GATA4: variants seen among roughly 807,000 people sequenced by gnomAD.
GATA4 encodes transcription factor GATA-4.
Under a neutral mutation model 37.9 loss-of-function variants are expected in GATA4, and 7 were observed. The ratio of observed to expected loss-of-function variants is 0.18; its 90% CI spans 0.11 to 0.35. The LOEUF (loss-of-function observed/expected upper bound fraction) is 0.35, where lower values mean the gene tolerates loss of function less well. Among genes scored for constraint, GATA4 ranks in the 10% least tolerant of loss-of-function variants. The pLI is 1.00. For missense variants in GATA4, 647 were observed against 653.0 expected, an observed-to-expected ratio of 0.99 and a Z score of 0.10; for synonymous variants, 372 against 292.6, an observed-to-expected ratio of 1.27 and a Z score of -2.77.
chr8:11,692,880 G>T, intron 1 of GATA4: 1 of 980,684 alleles, frequency 1.0e-6, no homozygotes, highest in Non-Finnish European at 1.2e-6. Flanking sequence ...AGTTTGCGCC[G>T]CCCGCCGCCC....
chr8:11,680,431 T>C, intron 1 of GATA4: 3 of 973,012 alleles, frequency 3.1e-6, no homozygotes, highest in Non-Finnish European at 3.7e-6. Flanking sequence ...AGGAGCTCCC[T>C]CTCATCGCCT....
intron 2 of GATA4, among the ~76,000 whole-genome samples, chr8:11,743,941 C>G (rs749764565): frequency 7.9e-5 from 12 of 152,184 alleles, no homozygotes; most frequent in Non-Finnish European, 1.8e-4. Flanking sequence ...GATCCCCATC[C>G]TTGGAGTTAG....
chr8:11,690,669 A>G (rs1252270617), upstream of GATA4, among the ~76,000 whole-genome samples: 2 of 152,210 alleles, frequency 1.3e-5, no homozygotes, highest in African/African-American at 4.8e-5. Context: ...CAGGAATTCC[A>G]GAACAGCCTG....
chr8:11,749,063 T>G lies in GATA4; in HGVS notation c.764T>G (p.Leu255Arg). The change falls in exon 3 of 7, where the codon CTC (leucine) becomes CGC (arginine). Residue 255 changes from leucine (L) to arginine (R), a missense_variant. Around this residue, in one of 5 missense-constraint regions of GATA4, gnomAD observed 56 missense variants for 64.5 expected, o/e 0.87. Coordinates refer to ENST00000532059, the MANE Select transcript of GATA4 (RefSeq NM_001308093.3). The surrounding 1 kb of genome is among the most constrained non-coding windows in gnomAD (Gnocchi z 4.6). ...AAGATGAACGGCATCAACCGGCCGC[T>G]CATCAAGCCTCAGCGCCGGCTGGTA... The part of the protein sequence containing the change: ...YHKMNGINRP[L>R]IKPQRRLSAS... 6.2e-7 allele frequency: 1 copy of G among 1,614,164 alleles called. No homozygotes were observed. Among genetic ancestry groups the G allele is most frequent in the Non-Finnish European group, 8.5e-7 (1 of 1,180,022 alleles).
Position 11,731,881 on chromosome 8 carries a change from G to A in GATA4, c.617-17035G>A, listed in dbSNP as rs137857218. Among the ~76,000 whole-genome samples, 29 of 152,278 alleles carry A rather than the reference G, an allele frequency of 1.9e-4. 2 individuals carry two copies. The East Asian group carries it at 5.6e-3, about 29-fold the overall frequency. ...AAAGGTGTAAGTAGCATTGATGGAC[G>A]ATTAGGTAGAACTAGCCATCCAGAA... On this transcript the variant is annotated intron_variant, in intron 2 of 6. Coordinates refer to ENST00000532059, the MANE Select transcript of GATA4 (RefSeq NM_001308093.3).
chr8:11,739,026 G>A (rs987130846), intron 2 of GATA4, among the ~76,000 whole-genome samples: 3 of 152,244 alleles, frequency 2.0e-5, no homozygotes, highest in Admixed American at 2.0e-4. Flanking sequence ...AGCGATGCCT[G>A]AGCCCAGATG....
At chr8:11,685,807 A>G (rs1182071030) in intron 1 of GATA4, among the ~76,000 whole-genome samples, 1 of 152,056 alleles carries the variant, frequency 6.6e-6, no homozygotes, top group African/African-American at 2.4e-5. Flanking sequence ...ATGTGGTGGG[A>G]TGTGAGGCCA....
chr8:11,696,543 G>A (rs1239515143), intron 1 of GATA4, among the ~76,000 whole-genome samples: 3 of 152,122 alleles, frequency 2.0e-5, no homozygotes, highest in Non-Finnish European at 4.4e-5. Context: ...TCCCGTTTGG[G>A]GCAATTATGA....
intron 1 of GATA4, chr8:11,692,787 G>T: frequency 1.0e-6 from 1 of 982,626 alleles, no homozygotes; most frequent in African/African-American, 1.7e-5. Context: ...GCTGCCGAGG[G>T]GAGGAAGCGG....
intron 2 of GATA4, among the ~76,000 whole-genome samples, chr8:11,710,245 C>T (rs1800113500): frequency 6.6e-6 from 1 of 152,132 alleles, no homozygotes; most frequent in Admixed American, 6.5e-5. Flanking sequence ...TTGGTGTTCC[C>T]CTCCCCCTCA....
At chr8:11,720,123 G>A (rs1278130461) in intron 2 of GATA4, among the ~76,000 whole-genome samples, 1 of 151,604 alleles carries the variant, frequency 6.6e-6, no homozygotes, top group African/African-American at 2.4e-5. Context: ...CTCTTCCTGC[G>A]GTGTGACTCA....
upstream of GATA4, among the ~76,000 whole-genome samples, chr8:11,703,845 C>G (rs1227151084): frequency 6.6e-6 from 1 of 152,238 alleles, no homozygotes. Flanking sequence ...TTCTTCTCTA[C>G]TGGCCCCGCC....
At chr8:11,718,783 A>G (rs1800541982) in intron 2 of GATA4, among the ~76,000 whole-genome samples, 2 of 152,246 alleles carry the variant, frequency 1.3e-5, no homozygotes, top group African/African-American at 4.8e-5. Flanking sequence ...GTCAAACCTT[A>G]TCGCCTCCAT....
chr8:11,705,308 G>A (rs923495756), intron 1 of GATA4, among the ~76,000 whole-genome samples: 18 of 152,178 alleles, frequency 1.2e-4, no homozygotes, highest in African/African-American at 3.4e-4. Flanking sequence ...CTCCGCACAC[G>A]TCTGTGTCTC....
chr8:11,744,645 C>T (rs1178442021), intron 2 of GATA4, among the ~76,000 whole-genome samples: 1 of 152,168 alleles, frequency 6.6e-6, no homozygotes, highest in Admixed American at 6.5e-5. Flanking sequence ...TCTATGGTTA[C>T]CTTGTTTTGG....
upstream of GATA4, among the ~76,000 whole-genome samples, chr8:11,689,475 C>A (rs189224401): frequency 2.6e-5 from 4 of 152,238 alleles, no homozygotes; most frequent in East Asian, 7.7e-4. Context: ...GAACAAGGAC[C>A]CACCCATTAT....
At chr8:11,681,428 AGCTACGATCCCC>A in intron 1 of GATA4, 3 of 982,872 alleles carry the variant, frequency 3.1e-6, no homozygotes, top group Non-Finnish European at 3.6e-6. Context: ...CGGGGGCCGT[AGCTACGATCCCC>A]GCGCAGACGC....
chr8:11,722,439 A>G (rs754924476), intron 2 of GATA4, among the ~76,000 whole-genome samples: 1 of 152,224 alleles, frequency 6.6e-6, no homozygotes, highest in Non-Finnish European at 1.5e-5. Flanking sequence ...ATATCATTCA[A>G]TATCCAGTCA....
intron 2 of GATA4, among the ~76,000 whole-genome samples, chr8:11,744,357 A>G (rs750029473): frequency 2.6e-5 from 4 of 152,350 alleles, no homozygotes; most frequent in Admixed American, 6.5e-5. Flanking sequence ...CTTTACAACT[A>G]TTATTACAAG....
Sources: gnomAD v4.1 joint callset for allele counts (sites outside exome capture counted in the v4.1 genomes callset) on GRCh38, gnomAD v4.1.1 for gene constraint, gnomAD v4.1.1 regional missense constraint, Gnocchi (gnomAD v3.1) non-coding constraint, MANE v1.5 for transcripts, NCBI Gene and HGNC (gene_info 2026-07-23, HGNC 2026-07-21) for gene names.